MBD5: variants seen among roughly 807,000 people sequenced by gnomAD.
MBD5 encodes the protein methyl-CpG binding domain protein 5, also known as methyl-CpG-binding domain protein 5.
In MBD5, 13 loss-of-function variants were observed where a neutral mutation model predicts 117.3. The ratio of observed to expected loss-of-function variants is 0.11; its 90% CI spans 0.07 to 0.18. The LOEUF is 0.18. Ranked by LOEUF, MBD5 falls within the 10% of genes least tolerant of loss-of-function variation. MBD5 has a pLI of 1.00. For missense variants in MBD5, 1,879 were observed against 2,093.8 expected (o/e 0.90, Z 2.00); for synonymous variants, 727 against 766.4 (o/e 0.95, Z 0.85).
At chr2:148,369,371 G>C (rs1020390818) in intron 4 of MBD5, among the ~76,000 whole-genome samples, 21 of 152,118 alleles carry the variant, frequency 1.4e-4, no homozygotes, top group Admixed American at 5.9e-4. Flanking sequence ...AGCGTATGTA[G>C]ATTAGATACA....
chr2:148,189,447 C>G (rs1353636360), intron 2 of MBD5, among the ~76,000 whole-genome samples: 1 of 145,430 alleles, frequency 6.9e-6, no homozygotes, highest in African/African-American at 2.6e-5. Context: ...GGTCCCTGAC[C>G]CGTGACCCCC....
chr2:148,195,318 G>T (rs1044771588), intron 2 of MBD5, among the ~76,000 whole-genome samples: 9 of 152,124 alleles, frequency 5.9e-5, no homozygotes, highest in African/African-American at 1.9e-4. Flanking sequence ...CAGAGATAAA[G>T]AGGAAATTTT....
intron 3 of MBD5, among the ~76,000 whole-genome samples, chr2:148,276,267 C>T (rs1214565642): frequency 4.0e-5 from 6 of 151,690 alleles, no homozygotes; most frequent in African/African-American, 1.5e-4. Flanking sequence ...CTGCAGTAAG[C>T]TATGATCATG....
intron 2 of MBD5, among the ~76,000 whole-genome samples, chr2:148,182,882 A>T (rs1248223330): frequency 6.6e-6 from 1 of 152,154 alleles, no homozygotes; most frequent in African/African-American, 2.4e-5. Context: ...GAGCCATGTA[A>T]TGGGCACCCC....
intron 4 of MBD5, among the ~76,000 whole-genome samples, chr2:148,456,313 T>G (rs1706882265): frequency 6.6e-6 from 1 of 152,138 alleles, no homozygotes; most frequent in Non-Finnish European, 1.5e-5. Flanking sequence ...CAAACTCACA[T>G]GTTGGAAGAG....
rs1217539628 is a variant in MBD5 at position 148,149,114 on chromosome 2, A to G, written c.-924-29586A>G. Among the ~76,000 whole-genome samples the G allele has an allele frequency of 2.3e-5, 3 of 132,148 alleles. No individual in the cohort carries two copies. The South Asian group carries it at 8.0e-4, about 35-fold the overall frequency. The allele number at this position is 132,148 out of a possible 152,430, so 86.7% of individuals were successfully genotyped here. ...CTCCCCCCACCCCACAACAGTCCCC[A>G]GAGTGTGATATTCCCCTTCCTGTGT... is the stretch of plus-strand genomic sequence containing the variant. On this transcript the variant is annotated intron_variant, in intron 1 of 13. Transcript: ENST00000642680.
chr2:148,321,213 G>T (rs1286173064), intron 3 of MBD5, among the ~76,000 whole-genome samples: 2 of 152,096 alleles, frequency 1.3e-5, no homozygotes, highest in South Asian at 2.1e-4. Context: ...TAGACCAAGG[G>T]TGTCCAATCT....
At chr2:148,048,753 G>A (rs1694611541) in intron 1 of MBD5, among the ~76,000 whole-genome samples, 2 of 152,150 alleles carry the variant, frequency 1.3e-5, no homozygotes, top group South Asian at 4.1e-4. Context: ...ACAGAGGACT[G>A]AATGTACTCA....
At chr2:148,282,424 A>G (rs529771473) in intron 3 of MBD5, among the ~76,000 whole-genome samples, 1 of 152,266 alleles carries the variant, frequency 6.6e-6, no homozygotes, top group South Asian at 2.1e-4. Flanking sequence ...TGCTTCCTGC[A>G]TGACTCATCT....
At chr2:148,419,506 A>G (rs548978059) in intron 4 of MBD5, among the ~76,000 whole-genome samples, 5 of 152,244 alleles carry the variant, frequency 3.3e-5, no homozygotes, top group African/African-American at 9.6e-5. Flanking sequence ...TGGGTATTCA[A>G]TTGCTCCAAT....
At position 148,268,714 on chromosome 2, in the gene MBD5, A is replaced by C. The variant is rs911628270; in HGVS notation, c.-680+35319A>C. Among the ~76,000 whole-genome samples the C allele has an allele frequency of 9.9e-5, 15 of 151,784 alleles. No individual in the cohort carries two copies. In the South Asian group the frequency reaches 2.7e-3, roughly 27 times the overall value. On this transcript the variant is annotated intron_variant, in intron 3 of 13. Transcript: ENST00000642680. ...AGTGGATATTGGACATTATAAAAAA[A>C]CTTGAGTCATTTATAGTGATAGTCA...
At position 148,121,813 on chromosome 2, in the gene MBD5, A is replaced by G. The variant is rs574612458; in HGVS notation, c.-924-56887A>G. ...AAAAACTACATTTCTAGGCTTTCTT[A>G]TCCACGTTTTTAAAAAAATTATTTT... On this transcript the variant is annotated intron_variant, in intron 1 of 13. Transcript: ENST00000642680. Among the ~76,000 whole-genome samples the G allele has an allele frequency of 4.9e-4, 75 of 152,266 alleles. 2 individuals are homozygous for G. Among genetic ancestry groups the G allele is most frequent in the South Asian group, 4.3e-3 (21 of 4,834 alleles).
intron 1 of MBD5, among the ~76,000 whole-genome samples, chr2:148,164,436 G>C (rs115986438): frequency 1.3e-5 from 2 of 151,994 alleles, no homozygotes; most frequent in East Asian, 3.9e-4. Flanking sequence ...GCTTGGAGCA[G>C]TGCCCATTTT....
intron 1 of MBD5, among the ~76,000 whole-genome samples, chr2:148,173,721 T>C (rs1574094528): frequency 6.6e-6 from 1 of 152,172 alleles, no homozygotes; most frequent in Non-Finnish European, 1.5e-5. Flanking sequence ...CTCTGTCTCA[T>C]AAATAAATAA....
In MBD5 at chr2:148,513,036, T is replaced by G; in HGVS notation, c.*95T>G. ...TGATATAGCCACAGTTATATCAATA[T>G]TTAGACTATGGCAGATAGCTACCAC... On this transcript the variant is annotated 3_prime_UTR_variant, in exon 14 of 14. Transcript: ENST00000642680. The G allele has an allele frequency of 8.2e-7, 1 of 1,222,642 alleles. No homozygotes were observed. 75.7% of individuals were successfully genotyped at this position (1,222,642 alleles called of 1,614,324 possible).
chr2:148,463,679 G>A, intron 6 of MBD5, 60 bp from the exon 7 acceptor site: 2 of 1,579,986 alleles, frequency 1.3e-6, no homozygotes, highest in South Asian at 2.2e-5. Flanking sequence ...TTAAACAAAG[G>A]GATCTTTTTA....
At chr2:148,222,480 C>A (rs905226702) in intron 2 of MBD5, among the ~76,000 whole-genome samples, 2 of 151,972 alleles carry the variant, frequency 1.3e-5, no homozygotes, top group African/African-American at 2.4e-5. Flanking sequence ...TCTTTCACTT[C>A]TTTCATTAAG....
intron 3 of MBD5, among the ~76,000 whole-genome samples, chr2:148,258,242 C>A (rs1042953928): frequency 1.3e-5 from 2 of 152,122 alleles, no homozygotes; most frequent in Non-Finnish European, 2.9e-5. Context: ...GTAAAATGTC[C>A]ACCCCCAGAA....
At position 148,189,249 on chromosome 2, in the gene MBD5, C is replaced by T. The variant is rs1698765606; in HGVS notation, c.-831+10456C>T. ...GCCGGGAAGCTCGAACTGGGTGGAGCCCACCACAGCTCAAGGAGGCCTGCC... is the reference window on the plus strand; with the variant it reads ...GCCGGGAAGCTCGAACTGGGTGGAGTCCACCACAGCTCAAGGAGGCCTGCC... On this transcript the variant is annotated intron_variant, in intron 2 of 13. Transcript: ENST00000642680. 8.1e-5 allele frequency among the ~76,000 whole-genome samples: 12 copies of T among 147,446 alleles called. No individual in the cohort carries two copies. In the South Asian group the frequency reaches 2.6e-3, roughly 32 times the overall value.
Sources: allele counts gnomAD v4.1 joint callset (sites outside exome capture counted in the v4.1 genomes callset), GRCh38; gene constraint gnomAD v4.1.1; transcripts MANE v1.5; gene names NCBI Gene and HGNC (gene_info 2026-07-23, HGNC 2026-07-21).